Variants in CD96 observed in about 807,000 individuals in gnomAD.
CD96 encodes CD96 molecule.
A neutral mutation model predicts 71.3 loss-of-function variants in CD96; 70 were observed. The ratio of observed to expected loss-of-function variants is 0.98; its 90% CI spans 0.81 to 1.20. The LOEUF is 1.20. Ranked by LOEUF, CD96 falls within the 50% of genes most tolerant of loss-of-function variation. The probability of loss-of-function intolerance (pLI) is 0.00; values close to 1 mark genes in which losing one functional copy is unlikely to be tolerated. For missense variants in CD96, 742 were observed against 677.5 expected, an observed-to-expected ratio of 1.10 and a Z score of -1.06; for synonymous variants, 248 against 233.0, an observed-to-expected ratio of 1.06 and a Z score of -0.59.
At chr3:111,653,517 A>G (rs1442139220), downstream of CD96, among the ~76,000 whole-genome samples, 2 of 152,228 alleles carry the variant, frequency 1.3e-5, no homozygotes, top group Non-Finnish European at 1.5e-5. Context: ...CCCCAAAATA[A>G]CTTTGCATTT....
intron 4 of CD96, 151 bp downstream of exon 4, chr3:111,579,385 G>C (rs748798216): frequency 1.4e-6 from 1 of 711,408 alleles, no homozygotes; most frequent in South Asian, 1.5e-5. Flanking sequence ...CATTCTTGTT[G>C]GGCAGGGGGA....
In CD96 at chr3:111,638,185, AT is replaced by A; in HGVS notation, c.1477+21del. 2 of 1,403,966 alleles carry A rather than the reference AT, an allele frequency of 1.4e-6. No homozygotes were observed. The highest frequency in any genetic ancestry group is 1.2e-5 in the South Asian group (1 of 86,840). 87.0% of individuals were successfully genotyped at this position (1,403,966 alleles called of 1,614,324 possible). On this transcript the variant is annotated intron_variant, in intron 12 of 13. Transcript: ENST00000352690. ...ATATCACTGGTAAGTCATTTATCCT[AT>A]TTTGGGGGATTTTATGCTTTATTCA...
At chr3:111,621,662 G>A (rs1938524666) in intron 8 of CD96, among the ~76,000 whole-genome samples, 3 of 152,162 alleles carry the variant, frequency 2.0e-5, no homozygotes, top group Admixed American at 2.0e-4. Flanking sequence ...GGTATAACAA[G>A]GCAGTTGTCC....
At chr3:111,644,172 T>C (rs6800527) in intron 12 of CD96, among the ~76,000 whole-genome samples, 3,162 of 151,906 alleles carry the variant, frequency 0.021, 113 homozygotes, top group African/African-American at 0.07. Context: ...CCCAAATACT[T>C]ACAGCCAACT....
intron 5 of CD96, chr3:111,593,643 C>G (rs554406437): frequency 5.0e-6 from 8 of 1,604,624 alleles, no homozygotes; most frequent in Non-Finnish European, 6.0e-6. Context: ...TCCAGGATGG[C>G]CCTTTCCACC....
intron 3 of CD96, among the ~76,000 whole-genome samples, chr3:111,570,047 T>C (rs1935904722): frequency 6.8e-6 from 1 of 147,122 alleles, no homozygotes; most frequent in Non-Finnish European, 1.5e-5. Context: ...TAGGCAGGAA[T>C]TGGGGTGGGG....
chr3:111,631,341 A>G (rs566482821), intron 10 of CD96, among the ~76,000 whole-genome samples: 46 of 152,316 alleles, frequency 3.0e-4, no homozygotes, highest in Admixed American at 7.8e-4. Context: ...TAGCAATCCT[A>G]TACACCAACA....
At chr3:111,580,381 A>AT (rs1483455451) in intron 4 of CD96, among the ~76,000 whole-genome samples, 2 of 152,118 alleles carry the variant, frequency 1.3e-5, no homozygotes, top group African/African-American at 2.4e-5. Context: ...TGTTTTTTTC[A>AT]TTTTTTGTGA....
chr3:111,545,593 A>G (rs769907123), intron 2 of CD96, among the ~76,000 whole-genome samples, 191 bp downstream of exon 2: 15 of 152,250 alleles, frequency 9.9e-5, no homozygotes, highest in Non-Finnish European at 1.8e-4. Flanking sequence ...TGCAACAGTG[A>G]TAAGTGTCGA....
rs1224370474 is a variant in CD96, at chr3:111,561,564, G to A, written c.419-5959G>A. On this transcript the variant is annotated intron_variant, in intron 2 of 13. Transcript: ENST00000352690. ...ACCCACTTGAGGAGGCAGTCTGCCG[G>A]TTCTCAGATCTCCAGCTGCGTGCTG... 9.5e-3 allele frequency among the ~76,000 whole-genome samples: 1,375 copies of A among 144,934 alleles called. 6 individuals carry two copies. The highest frequency in any genetic ancestry group is 0.034 in the African/African-American group (1,307 of 38,374).
intron 2 of CD96, among the ~76,000 whole-genome samples, chr3:111,551,616 A>G (rs1934709016): frequency 6.6e-6 from 1 of 152,090 alleles, no homozygotes; most frequent in Non-Finnish European, 1.5e-5. Flanking sequence ...TTTGTTATAT[A>G]GGTAAATGTG....
chr3:111,609,593 T>C (rs1485736018), intron 8 of CD96, among the ~76,000 whole-genome samples: 1 of 152,138 alleles, frequency 6.6e-6, no homozygotes, highest in Non-Finnish European at 1.5e-5. Context: ...TGTGACAAAA[T>C]TCAAAGCAAA....
At chr3:111,648,993 C>G (rs1185708312) in intron 13 of CD96, among the ~76,000 whole-genome samples, 1 of 152,118 alleles carries the variant, frequency 6.6e-6, no homozygotes. Context: ...TTCACTGATT[C>G]AAACAAAAGG....
rs761498038 is a variant in CD96 at position 111,545,109 on chromosome 3, A to G, written c.125A>G (p.Asn42Ser). Residue 42 changes from asparagine (N) to serine (S), a missense_variant, in exon 2 of 14, where the codon AAC becomes AGC. Transcript: ENST00000352690. ...NVYATLGSDV[N>S]LTCQTQTVGF... The stretch of plus-strand genomic sequence containing the variant: ...TATGCTACACTTGGCTCTGATGTCA[A>G]CCTGACCTGCCAAACACAGACAGTA... 3 of 1,614,086 alleles carry G rather than the reference A, an allele frequency of 1.9e-6. No homozygotes were observed. The highest frequency in any genetic ancestry group is 2.5e-6 in the Non-Finnish European group (3 of 1,180,042).
chr3:111,600,963 TA>T (rs767385158), intron 7 of CD96, 49 bp downstream of exon 7: 10 of 1,183,694 alleles, frequency 8.4e-6, no homozygotes, highest in Middle Eastern at 1.9e-4. Context: ...AAGACTGCCA[TA>T]AATTCAAAAT....
At chr3:111,607,947 C>T (rs1476441979) in intron 8 of CD96, among the ~76,000 whole-genome samples, 1 of 152,172 alleles carries the variant, frequency 6.6e-6, no homozygotes. Flanking sequence ...TTAAATCTCT[C>T]TAGTATCCTG....
intron 7 of CD96, among the ~76,000 whole-genome samples, chr3:111,602,194 G>T (rs971041374): frequency 3.9e-5 from 6 of 152,184 alleles, no homozygotes; most frequent in African/African-American, 1.4e-4. Context: ...CAGAATCTAA[G>T]GATGTGAGCT....
chr3:111,543,531 A>G (rs1934217841), intron 1 of CD96, among the ~76,000 whole-genome samples: 1 of 152,218 alleles, frequency 6.6e-6, no homozygotes. Flanking sequence ...TGAATTTGGG[A>G]GACAGTTTGG....
intron 8 of CD96, among the ~76,000 whole-genome samples, chr3:111,611,501 G>A (rs577682200): frequency 6.6e-6 from 1 of 152,350 alleles, no homozygotes; most frequent in South Asian, 2.1e-4. Flanking sequence ...GCAAGACAGT[G>A]AGAAGGCTCC....
Sources: gnomAD v4.1 joint callset for allele counts (sites outside exome capture counted in the v4.1 genomes callset) on GRCh38, gnomAD v4.1.1 for gene constraint, MANE v1.5 for transcripts, NCBI Gene and HGNC (gene_info 2026-07-23, HGNC 2026-07-21) for gene names.